The following KCTD1 variants were observed in gnomAD, a reference collection of about 807,000 sequenced individuals.
KCTD1 encodes the protein BTB/POZ domain-containing protein KCTD1.
Under a neutral mutation model 66.0 loss-of-function variants are expected in KCTD1, and 24 were observed. That is an observed-to-expected ratio of 0.36 (90% CI 0.26 to 0.51). The LOEUF is 0.51. Ranked by LOEUF, KCTD1 falls within the 20% of genes least tolerant of loss-of-function variation. The pLI, the probability that KCTD1 is intolerant of heterozygous loss-of-function variation, is 0.95. For missense variants in KCTD1, 943 were observed against 1,205.2 expected, an observed-to-expected ratio of 0.78 and a Z score of 3.22; for synonymous variants, 511 against 517.2, an observed-to-expected ratio of 0.99 and a Z score of 0.16.
chr18:26,629,271 C>T (rs897798074), upstream of KCTD1: 64 of 931,288 alleles, frequency 6.9e-5, no homozygotes, highest in South Asian at 1.5e-4. Flanking sequence ...ATTGGGCCAG[C>T]CCATGACCTT....
At chr18:26,465,229 G>A (rs910779567) in intron 3 of KCTD1, among the ~76,000 whole-genome samples, 5 of 152,088 alleles carry the variant, frequency 3.3e-5, no homozygotes, top group African/African-American at 1.2e-4. Flanking sequence ...GACTACAGGT[G>A]CCCGCCACCA....
chr18:26,603,266 C>T (rs1340726068), intron 1 of KCTD1, among the ~76,000 whole-genome samples: 1 of 151,346 alleles, frequency 6.6e-6, no homozygotes, highest in South Asian at 2.1e-4. Context: ...CTTGTCTGTA[C>T]TAGAAATACA....
At chr18:26,550,565 G>GACAGACACACAC (rs1985517746), upstream of KCTD1, among the ~76,000 whole-genome samples, 1 of 140,490 alleles carries the variant, frequency 7.1e-6, no homozygotes, top group African/African-American at 2.7e-5. The surrounding 1 kb of genome is among the most constrained non-coding windows in gnomAD (Gnocchi z 5.4). Context: ...AAGACACACA[G>GACAGACACACAC]ACACACACAC....
chr18:26,585,782 C>G (rs953105330), intron 1 of KCTD1, among the ~76,000 whole-genome samples: 1 of 152,180 alleles, frequency 6.6e-6, no homozygotes, highest in Non-Finnish European at 1.5e-5. Flanking sequence ...CAGATTTTCC[C>G]TGGTAGTAAT....
chr18:26,594,547 G>T (rs1986722740), intron 1 of KCTD1, among the ~76,000 whole-genome samples: 1 of 152,150 alleles, frequency 6.6e-6, no homozygotes. Context: ...TAGGTGAGGG[G>T]ATCCAGGTAA....
At chr18:26,550,258 C>T (rs148032499), upstream of KCTD1, among the ~76,000 whole-genome samples, 7 of 152,294 alleles carry the variant, frequency 4.6e-5, no homozygotes, top group Non-Finnish European at 7.4e-5. The surrounding 1 kb of genome is among the most constrained non-coding windows in gnomAD (Gnocchi z 5.4). Flanking sequence ...TGCCTGTTTC[C>T]CCCTTCCCTG....
chr18:26,650,624 T>C (rs1179609880), intron 1 of KCTD1, among the ~76,000 whole-genome samples: 1 of 152,214 alleles, frequency 6.6e-6, no homozygotes, highest in Non-Finnish European at 1.5e-5. Context: ...CAGACAGAGA[T>C]GGAGTGGGAT....
At position 26,469,384 on chromosome 18, in the gene KCTD1, A is replaced by C. The variant is rs181395515; in HGVS notation, c.2133+7131T>G. The stretch of plus-strand genomic sequence containing the variant: ...TGGCCACAGTTGAACTCCGTGTGGA[A>C]GTTTTTCCCTCCCCAGCACCTAACC... On this transcript the variant is annotated intron_variant, in intron 3 of 4. Coordinates refer to ENST00000580059, the MANE Select transcript of KCTD1 (RefSeq NM_001142730.3). Among the ~76,000 whole-genome samples the C allele has an allele frequency of 2.6e-5, 4 of 152,276 alleles. No homozygotes were observed. The East Asian group carries it at 7.7e-4, about 29-fold the overall frequency.
intron 1 of KCTD1, among the ~76,000 whole-genome samples, chr18:26,557,987 G>T (rs925923413): frequency 6.6e-6 from 1 of 152,166 alleles, no homozygotes; most frequent in Admixed American, 6.5e-5. Flanking sequence ...GACATTCTCT[G>T]TTTCATCTCC....
chr18:26,467,822 C>T (rs993367041), intron 3 of KCTD1, among the ~76,000 whole-genome samples: 1 of 152,032 alleles, frequency 6.6e-6, no homozygotes, highest in Non-Finnish European at 1.5e-5. Context: ...CTCAAAAAAA[C>T]CAATTTTTTT....
intron 2 of KCTD1, among the ~76,000 whole-genome samples, chr18:26,496,924 C>T (rs1982507389): frequency 6.6e-6 from 1 of 152,190 alleles, no homozygotes; most frequent in Non-Finnish European, 1.5e-5. Flanking sequence ...CATTCAGAGT[C>T]AGATGGTGAA....
chr18:26,522,988 G>A (rs1983985644), intron 1 of KCTD1, among the ~76,000 whole-genome samples: 1 of 152,196 alleles, frequency 6.6e-6, no homozygotes, highest in East Asian at 1.9e-4. Context: ...TTAGCTGACA[G>A]CCATGGGGTA....
chr18:26,657,467 GA>G, upstream of KCTD1: 1 of 831,540 alleles, frequency 1.2e-6, no homozygotes, highest in Non-Finnish European at 1.4e-6. Context: ...ACACCAGAGA[GA>G]AATGCAATAG....
At chr18:26,656,304 C>T (rs564851941) in intron 1 of KCTD1, among the ~76,000 whole-genome samples, 138 of 152,090 alleles carry the variant, frequency 9.1e-4, no homozygotes, top group African/African-American at 3.2e-3. Context: ...GCATCCTTCC[C>T]CCGTCCCAGC....
intron 1 of KCTD1, among the ~76,000 whole-genome samples, chr18:26,558,423 C>T (rs1220521622): frequency 6.6e-6 from 1 of 152,096 alleles, no homozygotes; most frequent in East Asian, 1.9e-4. Flanking sequence ...AAAAATAGAG[C>T]TTCCATACAA....
intron 1 of KCTD1, chr18:26,655,643 C>G (rs900773479): frequency 6.6e-6 from 1 of 152,234 alleles, no homozygotes; most frequent in Non-Finnish European, 1.5e-5. Context: ...AGCCAACGGC[C>G]CCATTTGCGA....
intron 1 of KCTD1, among the ~76,000 whole-genome samples, chr18:26,650,176 T>G (rs1988004087): frequency 6.6e-6 from 1 of 152,206 alleles, no homozygotes; most frequent in South Asian, 2.1e-4. Context: ...CCCAAATGAT[T>G]GATCTAATTG....
intron 1 of KCTD1, among the ~76,000 whole-genome samples, chr18:26,583,393 CAAAAAAA>C (rs55720907): frequency 6.7e-4 from 56 of 83,820 alleles, no homozygotes; most frequent in African/African-American, 2.4e-3. Context: ...GACTTTGTCT[CAAAAAAA>C]AAAAAAAAAA....
intron 1 of KCTD1, among the ~76,000 whole-genome samples, chr18:26,509,637 T>G (rs1392940224): frequency 2.0e-5 from 3 of 152,144 alleles, no homozygotes; most frequent in African/African-American, 7.2e-5. Flanking sequence ...AGATCAAACC[T>G]CAGACAAAAT....
Sources: gnomAD v4.1 joint callset for allele counts (sites outside exome capture counted in the v4.1 genomes callset) on GRCh38, gnomAD v4.1.1 for gene constraint, Gnocchi (gnomAD v3.1) non-coding constraint, MANE v1.5 for transcripts, NCBI Gene and HGNC (gene_info 2026-07-23, HGNC 2026-07-21) for gene names.